PCDH15: variants seen among roughly 807,000 people sequenced by gnomAD.
The protein encoded by PCDH15 is protocadherin related 15.
PCDH15 carries 129 observed loss-of-function variants against 178.5 expected under a neutral mutation model. That is an observed-to-expected ratio of 0.72 (90% CI 0.63 to 0.84). The LOEUF is 0.84. Ranked by LOEUF, PCDH15 falls within the 40% of genes least tolerant of loss-of-function variation. The probability of loss-of-function intolerance (pLI) is 0.00; values close to 1 mark genes in which losing one functional copy is unlikely to be tolerated. For synonymous variants in PCDH15, 800 were observed against 732.0 expected (o/e 1.09, Z -1.50); for missense variants, 2,230 against 2,099.9 (o/e 1.06, Z -1.21).
At chr10:53,865,666 T>C (rs1252363685) in intron 27 of PCDH15, among the ~76,000 whole-genome samples, 2 of 152,200 alleles carry the variant, frequency 1.3e-5, no homozygotes, top group Non-Finnish European at 2.9e-5. Context: ...GCAGCTTTAC[T>C]GTTAAAAATG....
chr10:55,461,899 G>T (rs1468589170), intron 2 of PCDH15, among the ~76,000 whole-genome samples: 1 of 151,976 alleles, frequency 6.6e-6, no homozygotes, highest in South Asian at 2.1e-4. Context: ...ATTACTGTTT[G>T]TCTCTAATGA....
chr10:54,521,942 G>A (rs181639983), intron 3 of PCDH15, among the ~76,000 whole-genome samples: 1 of 151,996 alleles, frequency 6.6e-6, no homozygotes, highest in Admixed American at 6.6e-5. Flanking sequence ...CAAAAAATTA[G>A]CCAGGCATGG....
intron 2 of PCDH15, among the ~76,000 whole-genome samples, chr10:55,433,939 T>C (rs1262093558): frequency 6.6e-6 from 1 of 152,108 alleles, no homozygotes; most frequent in African/African-American, 2.4e-5. Context: ...AGTCCTCATA[T>C]ATGTGTGGTT....
intron 2 of PCDH15, among the ~76,000 whole-genome samples, chr10:55,068,641 T>C (rs994154524): frequency 1.3e-5 from 2 of 152,056 alleles, no homozygotes; most frequent in Middle Eastern, 3.2e-3. Context: ...GATAGTGCTA[T>C]TTTCATAGGG....
At chr10:54,453,051 T>C (rs2076580911) in intron 3 of PCDH15, among the ~76,000 whole-genome samples, 1 of 152,096 alleles carries the variant, frequency 6.6e-6, no homozygotes, top group Non-Finnish European at 1.5e-5. Flanking sequence ...TTTTACACTG[T>C]TGGTGCGACT....
intron 4 of PCDH15, among the ~76,000 whole-genome samples, chr10:54,377,991 T>C (rs1004849759): frequency 6.6e-6 from 1 of 152,016 alleles, no homozygotes; most frequent in African/African-American, 2.4e-5. Flanking sequence ...TGATCATAGT[T>C]CACTGCAGCC....
At chr10:54,687,905 T>C (rs2095042740) in intron 1 of PCDH15, among the ~76,000 whole-genome samples, 1 of 152,084 alleles carries the variant, frequency 6.6e-6, no homozygotes, top group African/African-American at 2.4e-5. Context: ...TAATACAATG[T>C]TGTATGGCAG....
At position 53,806,808 on chromosome 10, in the gene PCDH15, T is replaced by C. The variant is rs914603759; in HGVS notation, c.4994A>G (p.Asn1665Ser). ...SKGPFSTEKM[N>S]ARPTLVTFAP... is the part of the protein sequence containing the mutation. ...AAATGTAACCAGAGTTGGTCTTGCA[T>C]TCATTTTTTCAGTAGAAAATGGCCC... Residue 1665 changes from asparagine (N) to serine (S), a missense_variant, in exon 38 of 38, where the codon AAT becomes AGT. By Grantham distance (46) the Asn-to-Ser change is conservative (BLOSUM62 1). Transcript: ENST00000644397. The C allele has an allele frequency of 3.1e-6, 5 of 1,613,826 alleles. No individual in the cohort carries two copies. The highest frequency in any genetic ancestry group is 8.5e-7 in the Non-Finnish European group (1 of 1,179,818).
At chr10:55,139,126 GT>G (rs1838280473) in intron 2 of PCDH15, among the ~76,000 whole-genome samples, 1 of 151,916 alleles carries the variant, frequency 6.6e-6, no homozygotes, top group South Asian at 2.1e-4. Flanking sequence ...ACCCTTCTCA[GT>G]GGAATGCCTC....
intron 36 of PCDH15, 146 bp downstream of exon 36, chr10:53,811,403 C>CTAGA: frequency 2.2e-6 from 1 of 447,082 alleles, no homozygotes; most frequent in Non-Finnish European, 3.9e-6. Context: ...AAAAATAAAG[C>CTAGA]TAGATATACT....
intron 29 of PCDH15, among the ~76,000 whole-genome samples, chr10:53,833,770 T>C (rs994891500): frequency 1.3e-5 from 2 of 152,050 alleles, no homozygotes; most frequent in Non-Finnish European, 2.9e-5. Context: ...CAGGTTGTAT[T>C]TTAATCGTCC....
At chr10:54,498,776 G>T (rs1189091935) in intron 3 of PCDH15, among the ~76,000 whole-genome samples, 1 of 152,070 alleles carries the variant, frequency 6.6e-6, no homozygotes, top group African/African-American at 2.4e-5. Context: ...CTGCTATAAA[G>T]AAATACCTGA....
chr10:55,512,153 T>C (rs556764701), intron 2 of PCDH15, among the ~76,000 whole-genome samples: 1 of 152,166 alleles, frequency 6.6e-6, no homozygotes, highest in Non-Finnish European at 1.5e-5. Context: ...TTTTCTTAAA[T>C]CAAAATGGTG....
chr10:54,844,583 C>A (rs1010619163), intron 3 of PCDH15, among the ~76,000 whole-genome samples: 6 of 151,848 alleles, frequency 4.0e-5, no homozygotes, highest in Non-Finnish European at 7.4e-5. Context: ...TTTCTTCACT[C>A]GTGATTTGGT....
chr10:55,386,432 AT>A (rs1270056694), intron 2 of PCDH15, among the ~76,000 whole-genome samples: 2 of 151,028 alleles, frequency 1.3e-5, no homozygotes, highest in African/African-American at 4.9e-5. Context: ...ACAAAAAAAA[AT>A]GAAGCTACTT....
chr10:55,583,135 CTGAT>C (rs1321210253), intron 2 of PCDH15, among the ~76,000 whole-genome samples: 2 of 152,046 alleles, frequency 1.3e-5, no homozygotes, highest in Non-Finnish European at 2.9e-5. Flanking sequence ...ATCTCCATGA[CTGAT>C]TAAAATGGAA....
intron 1 of PCDH15, among the ~76,000 whole-genome samples, chr10:54,717,777 C>T (rs2095499193): frequency 7.0e-6 from 1 of 143,142 alleles, no homozygotes; most frequent in Non-Finnish European, 1.5e-5. Context: ...ACCCAAAGGA[C>T]CATAAATCAT....
At chr10:55,555,853 A>G (rs549892795) in intron 2 of PCDH15, among the ~76,000 whole-genome samples, 105 of 152,238 alleles carry the variant, frequency 6.9e-4, no homozygotes, top group Non-Finnish European at 1.2e-3. Context: ...TATTAAAAAC[A>G]TATTTCAATG....
chr10:54,068,470 T>C (rs1298437440), intron 17 of PCDH15, among the ~76,000 whole-genome samples: 1 of 152,162 alleles, frequency 6.6e-6, no homozygotes, highest in Non-Finnish European at 1.5e-5. Context: ...TGTCCATCGA[T>C]AGTAGATGGT....
Sources: gnomAD v4.1 joint callset for allele counts (sites outside exome capture counted in the v4.1 genomes callset) on GRCh38, gnomAD v4.1.1 for gene constraint, MANE v1.5 for transcripts, NCBI Gene and HGNC (gene_info 2026-07-23, HGNC 2026-07-21) for gene names.